The following RALGAPA2 variants were observed in gnomAD, a reference collection of about 807,000 sequenced individuals.
The protein encoded by RALGAPA2 is Ral GTPase activating protein catalytic subunit alpha 2, also known as ral GTPase-activating protein subunit alpha-2.
RALGAPA2 carries 139 observed loss-of-function variants against 230.4 expected under a neutral mutation model. The ratio of observed to expected loss-of-function variants is 0.60; its 90% confidence interval spans 0.53 to 0.69. RALGAPA2 has a LOEUF of 0.69. Among genes scored for constraint, RALGAPA2 ranks in the 30% least tolerant of loss-of-function variants. RALGAPA2 has a pLI of 0.00. For missense variants in RALGAPA2, 2,163 were observed against 2,276.0 expected, an observed-to-expected ratio of 0.95 and a Z score of 1.01; for synonymous variants, 847 against 837.8, an observed-to-expected ratio of 1.01 and a Z score of -0.19.
chr20:20,481,224 G>A (rs966902062), intron 36 of RALGAPA2, among the ~76,000 whole-genome samples: 18 of 152,164 alleles, frequency 1.2e-4, no homozygotes, highest in South Asian at 6.2e-4. Context: ...TTGGAGCAAA[G>A]ACAAAAAAGA....
intron 38 of RALGAPA2, among the ~76,000 whole-genome samples, chr20:20,410,371 A>G (rs1321751147): frequency 6.6e-6 from 1 of 152,242 alleles, no homozygotes; most frequent in African/African-American, 2.4e-5. Context: ...GAATGAAAAC[A>G]TCTAGTTATT....
chr20:20,406,844 G>A (rs1408888225), intron 38 of RALGAPA2, among the ~76,000 whole-genome samples: 1 of 152,216 alleles, frequency 6.6e-6, no homozygotes, highest in African/African-American at 2.4e-5. Context: ...CCTGGGACGG[G>A]AAGGATGCAG....
At chr20:20,510,052 G>A (rs2062655182) in intron 33 of RALGAPA2, among the ~76,000 whole-genome samples, 1 of 152,094 alleles carries the variant, frequency 6.6e-6, no homozygotes, top group South Asian at 2.1e-4. Context: ...TTAAGCATGT[G>A]TCACTTTGGG....
Position 20,524,519 on chromosome 20 carries a change from G to C in RALGAPA2, c.3787C>G (p.Leu1263Val), listed in dbSNP as rs2063142820. 2 of 1,613,912 alleles carry C rather than the reference G, an allele frequency of 1.2e-6. No individual in the cohort carries two copies. The highest frequency in any genetic ancestry group is 1.7e-6 in the Non-Finnish European group (2 of 1,179,862). The change falls in exon 30 of 40, where the codon CTC becomes GTC. Residue 1263 changes from leucine (L) to valine (V), a missense_variant. By Grantham distance (32) the Leu-to-Val change is conservative. Coordinates refer to ENST00000202677, the MANE Select transcript of RALGAPA2 (RefSeq NM_020343.4). ...GGCAATGCCATGCACCAGTCCAAGA[G>C]GCAGAGTAGCAAGGACACAATAAAC... ...KKFIVSLLLC[L>V]LDWCMALPVS...
intron 37 of RALGAPA2, among the ~76,000 whole-genome samples, chr20:20,458,864 A>ATATATAGACC: frequency 1.4e-5 from 2 of 138,958 alleles, no homozygotes; most frequent in Admixed American, 7.2e-5. Flanking sequence ...ACCTATATAT[A>ATATATAGACC]TATATATATA....
chr20:20,488,884 G>A (rs1347590301), intron 36 of RALGAPA2, among the ~76,000 whole-genome samples: 1 of 152,224 alleles, frequency 6.6e-6, no homozygotes, highest in Non-Finnish European at 1.5e-5. Context: ...TCAACTGATA[G>A]ATGTTTCCTG....
chr20:20,674,069 A>C (rs995106356), intron 3 of RALGAPA2, among the ~76,000 whole-genome samples: 1 of 151,896 alleles, frequency 6.6e-6, no homozygotes, highest in African/African-American at 2.4e-5. Context: ...CGTGATGCAC[A>C]CGTGTAGTCC....
chr20:20,574,718 T>C (rs376056689), intron 20 of RALGAPA2, among the ~76,000 whole-genome samples: 9 of 152,230 alleles, frequency 5.9e-5, no homozygotes, highest in Non-Finnish European at 2.9e-5. Context: ...TTTGACTTCA[T>C]TGCAGCATTT....
intron 16 of RALGAPA2, among the ~76,000 whole-genome samples, chr20:20,601,473 T>C (rs1259081284): frequency 6.6e-6 from 1 of 152,270 alleles, no homozygotes; most frequent in African/African-American, 2.4e-5. Flanking sequence ...TCACAAGTTC[T>C]TTCTCACAAT....
intron 37 of RALGAPA2, among the ~76,000 whole-genome samples, chr20:20,462,533 T>C (rs1349013323): frequency 1.3e-5 from 2 of 152,118 alleles, no homozygotes; most frequent in Admixed American, 6.5e-5. Context: ...GCCTCAGAAA[T>C]GTATCTGAAG....
intron 10 of RALGAPA2, among the ~76,000 whole-genome samples, chr20:20,622,479 T>G (rs1441411782): frequency 6.6e-6 from 1 of 152,164 alleles, no homozygotes; most frequent in Non-Finnish European, 1.5e-5. Flanking sequence ...AAGATGTATT[T>G]CCTCCAAAGG....
At chr20:20,450,326 T>C (rs1266133891) in intron 37 of RALGAPA2, among the ~76,000 whole-genome samples, 1 of 152,228 alleles carries the variant, frequency 6.6e-6, no homozygotes, top group Non-Finnish European at 1.5e-5. Context: ...TGTATTTAGG[T>C]GTAAGAGATG....
intron 23 of RALGAPA2, among the ~76,000 whole-genome samples, chr20:20,549,476 C>T (rs187449851): frequency 1.1e-4 from 16 of 152,166 alleles, no homozygotes; most frequent in African/African-American, 3.9e-4. Context: ...TAAGACAGCG[C>T]CCTGAGGAGA....
At position 20,513,227 on chromosome 20, in the gene RALGAPA2, T is replaced by C; in HGVS notation, c.4142A>G (p.His1381Arg). 1 of 1,513,930 alleles carries C rather than the reference T, an allele frequency of 6.6e-7. No homozygotes were observed. The highest frequency in any genetic ancestry group is 8.8e-7 in the Non-Finnish European group (1 of 1,133,462). The allele number at this position is 1,513,930 out of a possible 1,614,324, so 93.8% of individuals were successfully genotyped here. A position where few individuals can be genotyped will look rare whatever the true frequency, so the allele number is the denominator to read the frequency against. Residue 1381 changes from histidine to arginine, a missense_variant, in exon 32 of 40, where the codon CAC becomes CGC. By Grantham distance (29) the His-to-Arg change is conservative. Transcript: ENST00000202677. Reference protein sequence around the residue: ...IPLTARMVMAHLVNHLGHYPL... With the variant: ...IPLTARMVMARLVNHLGHYPL... ...GTAGTGCCCCAGGTGGTTCACCAGG[T>C]GGGCCATCACCATTCGAGCAGTCAA...
intron 37 of RALGAPA2, among the ~76,000 whole-genome samples, chr20:20,423,308 G>C (rs542131393): frequency 1.1e-4 from 16 of 152,330 alleles, no homozygotes; most frequent in Admixed American, 5.9e-4. Flanking sequence ...CAGAGCTGAA[G>C]AGCTGAGTCA....
intron 38 of RALGAPA2, among the ~76,000 whole-genome samples, chr20:20,402,037 T>C (rs1196401988): frequency 6.6e-6 from 1 of 152,226 alleles, no homozygotes; most frequent in Non-Finnish European, 1.5e-5. Context: ...TGTTCATTCC[T>C]GTGGGTGGGT....
intron 37 of RALGAPA2, among the ~76,000 whole-genome samples, chr20:20,432,855 T>C (rs930681926): frequency 2.6e-5 from 4 of 152,200 alleles, no homozygotes; most frequent in African/African-American, 9.6e-5. Flanking sequence ...AACTCTGCAA[T>C]TGTCCACCCT....
chr20:20,511,105 G>A, intron 33 of RALGAPA2, 149 bp downstream of exon 33: 3 of 1,303,710 alleles, frequency 2.3e-6, no homozygotes, highest in Non-Finnish European at 3.1e-6. Context: ...AACACCAACG[G>A]TATGGCATGC....
intron 36 of RALGAPA2, among the ~76,000 whole-genome samples, chr20:20,483,463 T>C (rs1289403416): frequency 6.6e-6 from 1 of 152,186 alleles, no homozygotes; most frequent in African/African-American, 2.4e-5. Context: ...TGTAAGTGCC[T>C]GGCCAAGGAC....
Sources: gnomAD v4.1 joint callset for allele counts (sites outside exome capture counted in the v4.1 genomes callset) on GRCh38, gnomAD v4.1.1 for gene constraint, MANE v1.5 for transcripts, NCBI Gene and HGNC (gene_info 2026-07-23, HGNC 2026-07-21) for gene names.